Variants in FCRL1 observed in about 807,000 individuals in gnomAD.
FCRL1 encodes the protein Fc receptor like 1, also known as Fc receptor-like protein 1.
A neutral mutation model predicts 49.2 loss-of-function variants in FCRL1; 34 were observed. That is an observed-to-expected ratio of 0.69 (90% CI 0.53 to 0.92). The LOEUF (loss-of-function observed/expected upper bound fraction) is 0.92, where lower values mean the gene tolerates loss of function less well. Among genes scored for constraint, FCRL1 ranks in the 40% least tolerant of loss-of-function variants. FCRL1 has a pLI of 0.00. For missense variants in FCRL1, 524 were observed against 524.1 expected (o/e 1.00, Z 0.00); for synonymous variants, 218 against 201.6 (o/e 1.08, Z -0.69).
At chr1:157,816,675 C>T (rs1186243864) in intron 1 of FCRL1, among the ~76,000 whole-genome samples, 1 of 151,554 alleles carries the variant, frequency 6.6e-6, no homozygotes, top group Non-Finnish European at 1.5e-5. Flanking sequence ...ATGACAAAAT[C>T]TTATATATAG....
chr1:157,802,208 A>G lies in FCRL1; in HGVS notation c.608-15T>C, dbSNP rs1465378993. The G allele has an allele frequency of 1.2e-6, 2 of 1,605,344 alleles. No homozygotes were observed. The highest frequency in any genetic ancestry group is 1.7e-5 in the Admixed American group (1 of 59,190). Reference sequence around the variant, plus strand: ...AGACACCGGGACTGAGGGAGACAGTAGACTGTAAGAGACAGTCTCTGACAA... The same window carrying G: ...AGACACCGGGACTGAGGGAGACAGTGGACTGTAAGAGACAGTCTCTGACAA... On this transcript the variant is annotated splice_polypyrimidine_tract_variant and intron_variant, in intron 4 of 10. Transcript: ENST00000368176.
rs372268385 is a variant in FCRL1 at position 157,802,380 on chromosome 1, T to C, written c.604A>G (p.Arg202Gly). Residue 202 changes from arginine to glycine, a missense_variant, in exon 4 of 11, where the codon AGA becomes GGA. Arg to Gly is a moderately radical substitution (Grantham distance 125). Transcript: ENST00000368176. The stretch of plus-strand genomic sequence containing the variant: ...AACGAAGGGTAGTGGAACTTACTTC[T>C]GACAGTGATGCTCACCAGCCCACTG... The part of the protein sequence containing the change: ...SPSGLVSITV[R>G]IPVSRPILML... The C allele has an allele frequency of 5.6e-6, 9 of 1,613,752 alleles. No homozygotes were observed. The African/African-American group carries it at 8.0e-5, about 14-fold the overall frequency.
chr1:157,815,980 G>C (rs1022824613), intron 1 of FCRL1, among the ~76,000 whole-genome samples: 1 of 151,728 alleles, frequency 6.6e-6, no homozygotes, highest in East Asian at 1.9e-4. Context: ...CATCAAAAAG[G>C]AACCTAGGAT....
intron 7 of FCRL1, among the ~76,000 whole-genome samples, chr1:157,799,409 T>C (rs1652064592): frequency 6.6e-6 from 1 of 152,190 alleles, no homozygotes; most frequent in Admixed American, 6.5e-5. Flanking sequence ...TCCTCTTTTA[T>C]TTCATTGAGC....
At chr1:157,816,834 G>A (rs1461501953) in intron 1 of FCRL1, among the ~76,000 whole-genome samples, 2 of 146,020 alleles carry the variant, frequency 1.4e-5, no homozygotes, top group South Asian at 2.2e-4. Flanking sequence ...GACAAAATAT[G>A]TAAATCAGTA....
intron 1 of FCRL1, among the ~76,000 whole-genome samples, chr1:157,812,242 A>G (rs1405465268): frequency 1.3e-5 from 2 of 152,120 alleles, no homozygotes; most frequent in Non-Finnish European, 2.9e-5. Context: ...GCTGAGGCAC[A>G]CCATTTCCTT....
At position 157,799,373 on chromosome 1, in the gene FCRL1, A is replaced by G. The variant is rs185215012; in HGVS notation, c.1031+685T>C. 3.3e-3 allele frequency among the ~76,000 whole-genome samples: 496 copies of G among 152,272 alleles called. 2 individuals are homozygous for G. Among genetic ancestry groups the G allele is most frequent in the Non-Finnish European group, 4.4e-3 (301 of 68,012 alleles). On this transcript the variant is annotated intron_variant, in intron 7 of 10. Transcript: ENST00000368176. ...ATATTGATTCTTCCTACCCATGAGC[A>G]TGGAATGTTCTTCCATTTGTTTGTA...
Position 157,797,855 on chromosome 1 carries a change from C to T in FCRL1, c.1186+13G>A, listed in dbSNP as rs748149641. On this transcript the variant is annotated intron_variant, in intron 9 of 10. Coordinates refer to ENST00000368176, the MANE Select transcript of FCRL1 (RefSeq NM_052938.5). Reference sequence around the variant, plus strand: ...ACAAAAGTCAGAGACAAATTTACTCCCCCATGTCTCACCTGCTACTGATTC... The same window carrying T: ...ACAAAAGTCAGAGACAAATTTACTCTCCCATGTCTCACCTGCTACTGATTC... 60 of 1,613,980 alleles carry T rather than the reference C, an allele frequency of 3.7e-5. No homozygotes were observed. In the South Asian group the frequency reaches 6.1e-4, roughly 17 times the overall value.
intron 5 of FCRL1, 146 bp downstream of exon 5, chr1:157,801,769 C>T: frequency 1.0e-6 from 1 of 1,003,436 alleles, no homozygotes; most frequent in African/African-American, 1.6e-5. Flanking sequence ...CTCCATGCCC[C>T]TCCAATACAT....
chr1:157,801,742 G>A (rs1042262085), intron 5 of FCRL1, among the ~76,000 whole-genome samples, 165 bp from the exon 6 acceptor site: 2 of 152,196 alleles, frequency 1.3e-5, no homozygotes, highest in African/African-American at 4.8e-5. Context: ...GAGAAGAGCT[G>A]CACCCAACCT....
rs1571354360 is a variant in FCRL1, at chr1:157,802,051, C to T, written c.750G>A (p.Gly250=). The T allele has an allele frequency of 3.7e-6, 6 of 1,614,192 alleles. No individual in the cohort carries two copies. The highest frequency in any genetic ancestry group is 1.3e-5 in the African/African-American group (1 of 75,052). ...CTCCTCCAGAGGGGGCCGACCTGCTCCCCAGGGTGATATCCTCGTGATAAA... is the reference window on the plus strand; with the variant it reads ...CTCCTCCAGAGGGGGCCGACCTGCTTCCCAGGGTGATATCCTCGTGATAAA... The part of the protein sequence containing the change: ...YWFYHEDITL[G]SRSAPSGGGA... The change falls in exon 5 of 11, where the codon GGG becomes GGA. Residue 250 remains glycine (G), a synonymous_variant. Transcript: ENST00000368176.
chr1:157,808,160 C>G (rs1450268465), intron 1 of FCRL1, among the ~76,000 whole-genome samples: 1 of 152,102 alleles, frequency 6.6e-6, no homozygotes, highest in Non-Finnish European at 1.5e-5. Flanking sequence ...CACTGTATGC[C>G]AGACGTTGTG....
At position 157,801,559 on chromosome 1, in the gene FCRL1, C is replaced by A; in HGVS notation, c.905G>T (p.Ser302Ile). The A allele has an allele frequency of 6.2e-7, 1 of 1,613,526 alleles. No homozygotes were observed. The highest frequency in any genetic ancestry group is 8.5e-7 in the Non-Finnish European group (1 of 1,179,658). The change falls in exon 6 of 11, where the codon AGC (serine) becomes ATC (isoleucine). Residue 302 changes from serine to isoleucine, a missense_variant. Coordinates refer to ENST00000368176, the MANE Select transcript of FCRL1 (RefSeq NM_052938.5). ...LNFTVPTGAR[S>I]NHLTSGVIEG... ...AATGACTCCTGAGGTAAGATGATTG[C>A]TTCTGGCCCCAGTAGGCACTAGAGG...
Position 157,807,142 on chromosome 1 carries a change from A to AG in FCRL1, c.32-21dup. Reference sequence around the variant, plus strand: ...GTGGAGCTGGGAGAGAATTCAGCAGAGATCAGTACAGAGCAGCAAATCCCA... The same window carrying AG: ...GTGGAGCTGGGAGAGAATTCAGCAGAGGATCAGTACAGAGCAGCAAATCCCA... On this transcript the variant is annotated intron_variant, in intron 1 of 10. Coordinates refer to ENST00000368176, the MANE Select transcript of FCRL1 (RefSeq NM_052938.5). 1 of 1,613,254 alleles carries AG rather than the reference A, an allele frequency of 6.2e-7. No homozygotes were observed. Among genetic ancestry groups the AG allele is most frequent in the Non-Finnish European group, 8.5e-7 (1 of 1,179,578 alleles).
At chr1:157,814,579 A>G (rs1238245226) in intron 1 of FCRL1, among the ~76,000 whole-genome samples, 1 of 152,062 alleles carries the variant, frequency 6.6e-6, no homozygotes, top group Admixed American at 6.5e-5. Flanking sequence ...ACAATTAGAA[A>G]ACACTCAACA....
chr1:157,802,642 G>A lies in FCRL1; in HGVS notation c.342C>T (p.Ser114=). ...NVHRVPVADV[S]LETQPPGGQV... is the part of the protein sequence containing the mutation. The stretch of plus-strand genomic sequence containing the variant: ...GTCCTCCTGGGGGCTGAGTCTCCAA[G>A]CTCACATCAGCGACAGGGACCCCTG... Residue 114 remains serine (S), a synonymous_variant, in exon 4 of 11, where the codon AGC becomes AGT. Coordinates refer to ENST00000368176, the MANE Select transcript of FCRL1 (RefSeq NM_052938.5). 4 of 1,613,604 alleles carry A rather than the reference G, an allele frequency of 2.5e-6. No individual in the cohort carries two copies. The highest frequency in any genetic ancestry group is 3.3e-4 in the Middle Eastern group (2 of 6,042).
intron 3 of FCRL1, among the ~76,000 whole-genome samples, chr1:157,802,997 A>G (rs1005200099): frequency 1.3e-5 from 2 of 152,320 alleles, no homozygotes; most frequent in East Asian, 3.9e-4. Context: ...GAACTGCCTT[A>G]TTTGAAGAGT....
At chr1:157,812,971 G>A (rs1020923513) in intron 1 of FCRL1, among the ~76,000 whole-genome samples, 4 of 152,012 alleles carry the variant, frequency 2.6e-5, no homozygotes, top group African/African-American at 9.7e-5. Flanking sequence ...GGCCACTGAG[G>A]CACACACAAG....
chr1:157,799,354 A>G (rs1652057112), intron 7 of FCRL1, among the ~76,000 whole-genome samples: 1 of 152,146 alleles, frequency 6.6e-6, no homozygotes, highest in Admixed American at 6.5e-5. Flanking sequence ...CACAATATTG[A>G]TTCTTCCTAC....
Sources: allele counts gnomAD v4.1 joint callset (sites outside exome capture counted in the v4.1 genomes callset), GRCh38; gene constraint gnomAD v4.1.1; transcripts MANE v1.5; gene names NCBI Gene and HGNC (gene_info 2026-07-23, HGNC 2026-07-21).